Variants in CTNND2 observed in about 807,000 individuals in gnomAD.
CTNND2 encodes catenin delta 2, also known as catenin delta-2.
CTNND2 carries 22 observed loss-of-function variants against 144.4 expected under a neutral mutation model. The observed-to-expected ratio is 0.15, with a 90% confidence interval of 0.11 to 0.22. The LOEUF is 0.22. CTNND2 is among the 10% of genes least tolerant of loss of function. The probability of loss-of-function intolerance (pLI) is 1.00; values close to 1 mark genes in which losing one functional copy is unlikely to be tolerated. For synonymous variants in CTNND2, 751 were observed against 695.6 expected, an observed-to-expected ratio of 1.08 and a Z score of -1.25; for missense variants, 1,353 against 1,618.8, an observed-to-expected ratio of 0.84 and a Z score of 2.82.
chr5:11,451,210 G>A (rs1171254492), intron 3 of CTNND2, among the ~76,000 whole-genome samples: 1 of 151,906 alleles, frequency 6.6e-6, no homozygotes, highest in Non-Finnish European at 1.5e-5. Flanking sequence ...TATCTGTCCC[G>A]TAACGTCTTT....
intron 1 of CTNND2, 91 bp from the exon 2 acceptor site, chr5:11,732,363 A>G: frequency 7.6e-7 from 1 of 1,312,562 alleles, no homozygotes. Context: ...ACACAGAAAA[A>G]AAAGTAAAAC....
chr5:11,287,661 T>C (rs774443125), intron 9 of CTNND2, among the ~76,000 whole-genome samples: 3 of 152,212 alleles, frequency 2.0e-5, no homozygotes, highest in Non-Finnish European at 4.4e-5. Context: ...TACAGTACTA[T>C]AAAGGGATGA....
chr5:11,155,703 A>G (rs1421183694), intron 12 of CTNND2, among the ~76,000 whole-genome samples: 1 of 152,176 alleles, frequency 6.6e-6, no homozygotes, highest in Non-Finnish European at 1.5e-5. Context: ...CAGGCCTCCA[A>G]CAAAATTTAA....
At chr5:11,815,491 A>T (rs1230531822) in intron 1 of CTNND2, among the ~76,000 whole-genome samples, 1 of 152,070 alleles carries the variant, frequency 6.6e-6, no homozygotes, top group East Asian at 1.9e-4. Flanking sequence ...GTGTTTTATG[A>T]TTTATGATTA....
At chr5:11,119,476 C>T (rs937582641) in intron 12 of CTNND2, among the ~76,000 whole-genome samples, 6 of 152,158 alleles carry the variant, frequency 3.9e-5, no homozygotes, top group African/African-American at 1.4e-4. Context: ...CCTGTGATGG[C>T]CAACCTTTGT....
chr5:11,851,722 T>C (rs1373479088), intron 1 of CTNND2, among the ~76,000 whole-genome samples: 5 of 152,238 alleles, frequency 3.3e-5, no homozygotes. Context: ...GTCTCCACAT[T>C]GGCAATGGCC....
At chr5:11,539,783 C>T (rs938622858) in intron 3 of CTNND2, among the ~76,000 whole-genome samples, 1 of 152,174 alleles carries the variant, frequency 6.6e-6, no homozygotes, top group Non-Finnish European at 1.5e-5. Context: ...CCTGTAATCC[C>T]AGCACTTTGG....
Position 11,449,477 on chromosome 5 carries a change from C to A in CTNND2, c.288-37408G>T, listed in dbSNP as rs1422510829. Among the ~76,000 whole-genome samples the A allele has an allele frequency of 5.9e-5, 9 of 152,284 alleles. No homozygotes were observed. The South Asian group carries it at 1.9e-3, about 32-fold the overall frequency. ...AGTCTTTCATCAAGACGCTAGTTGT[C>A]TCCTACCTAACATGAACGCTTAGCA... On this transcript the variant is annotated intron_variant, in intron 3 of 21. Coordinates refer to ENST00000304623, the MANE Select transcript of CTNND2 (RefSeq NM_001332.4).
intron 3 of CTNND2, among the ~76,000 whole-genome samples, chr5:11,488,418 T>C (rs1769052691): frequency 6.6e-6 from 1 of 152,196 alleles, no homozygotes; most frequent in African/African-American, 2.4e-5. Context: ...TTATTTCTCT[T>C]TCACATCGTA....
intron 7 of CTNND2, 28 bp from the exon 8 acceptor site, chr5:11,364,918 A>C: frequency 1.9e-6 from 3 of 1,584,342 alleles, no homozygotes; most frequent in Non-Finnish European, 2.6e-6. Flanking sequence ...AGGGACATCA[A>C]AGCTCAGGCG....
At chr5:11,200,869 CA>C (rs1445842651) in intron 10 of CTNND2, among the ~76,000 whole-genome samples, 6 of 152,092 alleles carry the variant, frequency 3.9e-5, no homozygotes, top group African/African-American at 1.4e-4. Context: ...TTAGTAGAGA[CA>C]GGGTTTCACC....
chr5:11,470,980 A>ATATATATATATATATATATATTTTT (rs1219093645), intron 3 of CTNND2, among the ~76,000 whole-genome samples: 5 of 91,536 alleles, frequency 5.5e-5, no homozygotes, highest in African/African-American at 2.9e-4. Flanking sequence ...ATATATATAT[A>ATATATATATATATATATATATTTTT]TTTTTTTTTT....
intron 12 of CTNND2, among the ~76,000 whole-genome samples, chr5:11,143,009 T>C (rs1157864365): frequency 1.3e-5 from 2 of 152,190 alleles, no homozygotes; most frequent in African/African-American, 4.8e-5. Flanking sequence ...CAGTGTGTGA[T>C]GCATGCAGGA....
Position 11,039,071 on chromosome 5 carries a change from A to AAAGC in CTNND2, c.2789-16096_2789-16093dup, listed in dbSNP as rs546739659. On this transcript the variant is annotated intron_variant, in intron 16 of 21. Transcript: ENST00000304623. ...AAGCCAAGCTCAGGGAAACAATCCC[A>AAAGC]AAGCAAGCAAGCAAGCAAGCAAGCA... Among the ~76,000 whole-genome samples the AAAGC allele has an allele frequency of 2.2e-3, 338 of 152,272 alleles. 2 individuals carry two copies. Among genetic ancestry groups the AAAGC allele is most frequent in the African/African-American group, 6.6e-3 (274 of 41,548 alleles).
At chr5:11,353,542 C>T (rs557163328) in intron 8 of CTNND2, among the ~76,000 whole-genome samples, 8 of 152,298 alleles carry the variant, frequency 5.3e-5, no homozygotes, top group Non-Finnish European at 1.0e-4. Context: ...CAGTGGCTCA[C>T]GCCTGTAATT....
chr5:11,890,808 G>T (rs1366111215), intron 1 of CTNND2, among the ~76,000 whole-genome samples: 1 of 152,290 alleles, frequency 6.6e-6, no homozygotes, highest in South Asian at 2.1e-4. Context: ...ACTTGCTTTC[G>T]CAGGATGATC....
At chr5:11,231,893 G>A (rs1204633986) in intron 10 of CTNND2, among the ~76,000 whole-genome samples, 1 of 152,218 alleles carries the variant, frequency 6.6e-6, no homozygotes, top group African/African-American at 2.4e-5. Context: ...TTGGCCCAGG[G>A]CCTCTCTGCT....
chr5:11,805,282 T>C (rs1791929697), intron 1 of CTNND2, among the ~76,000 whole-genome samples: 1 of 152,140 alleles, frequency 6.6e-6, no homozygotes, highest in South Asian at 2.1e-4. Context: ...GAAATATTCA[T>C]AGGTAATGTA....
intron 2 of CTNND2, among the ~76,000 whole-genome samples, chr5:11,710,770 T>G (rs1438327581): frequency 6.6e-6 from 1 of 152,204 alleles, no homozygotes; most frequent in Non-Finnish European, 1.5e-5. Flanking sequence ...GTCCGGGCAG[T>G]GCACCACTAC....
Sources: allele counts gnomAD v4.1 joint callset (sites outside exome capture counted in the v4.1 genomes callset), GRCh38; gene constraint gnomAD v4.1.1; transcripts MANE v1.5; gene names NCBI Gene and HGNC (gene_info 2026-07-23, HGNC 2026-07-21).